Variants in RESF1 observed in about 807,000 individuals in gnomAD.
RESF1 encodes gonad expressed transcript.
Under a neutral mutation model 134.7 loss-of-function variants are expected in RESF1, and 65 were observed. That is an observed-to-expected ratio of 0.48 (90% CI 0.40 to 0.59). The LOEUF (loss-of-function observed/expected upper bound fraction) is 0.59. Ranked by LOEUF, RESF1 falls within the 20% of genes least tolerant of loss-of-function variation. The pLI is 0.00. For synonymous variants in RESF1, 762 were observed against 702.2 expected, an observed-to-expected ratio of 1.09 and a Z score of -1.35; for missense variants, 2,274 against 2,002.7, an observed-to-expected ratio of 1.14 and a Z score of -2.59.
chr12:31,969,953 A>G (rs893492483), intron 2 of RESF1, among the ~76,000 whole-genome samples: 11 of 152,204 alleles, frequency 7.2e-5, no homozygotes, highest in Admixed American at 4.6e-4. Flanking sequence ...TGTGTGTTTA[A>G]CATGGATAGT....
chr12:31,959,921 T>C (rs1032958296), intron 1 of RESF1: 2 of 152,102 alleles, frequency 1.3e-5, no homozygotes, highest in Non-Finnish European at 2.9e-5. Context: ...GAGCTGCTTA[T>C]GTTTTTAAGG....
rs16919127 is a variant in RESF1, at chr12:31,983,984, C to A, written c.3029C>A (p.Thr1010Lys). 13,507 of 1,613,628 alleles carry A rather than the reference C, an allele frequency of 8.4e-3. 1,060 individuals are homozygous for A. In the African/African-American group the frequency reaches 0.16, roughly 19 times the overall value. The change falls in exon 4 of 6, where the codon ACG becomes AAG. Residue 1010 changes from threonine to lysine, a missense_variant. Transcript: ENST00000312561. Reference sequence around the variant, plus strand: ...ACTGAAAAAAGCACAGCTAACGATACGTGCTCGTCAGCTGCTATTCAGGAG... The same window carrying A: ...ACTGAAAAAAGCACAGCTAACGATAAGTGCTCGTCAGCTGCTATTCAGGAG... ...HATEKSTANDTCSSAAIQEDI... is the reference protein window; with the variant it reads ...HATEKSTANDKCSSAAIQEDI...
In RESF1 at chr12:31,982,220, T is replaced by C. The variant is rs1444204737; in HGVS notation, c.1265T>C (p.Met422Thr). Residue 422 changes from methionine (M) to threonine (T), a missense_variant, in exon 4 of 6, where the codon ATG becomes ACG. Physicochemically the swap from Met to Thr is moderately conservative, Grantham distance 81 (BLOSUM62 -1). Transcript: ENST00000312561. ...ATTAAAATCAATAAAGATCTTTTGA[T>C]GGCAGCAGGTTGTATTAAAATGACT... ...RKIKINKDLL[M>T]AAGCIKMTNT... The C allele has an allele frequency of 1.9e-6, 3 of 1,612,568 alleles. No individual in the cohort carries two copies. Among genetic ancestry groups the C allele is most frequent in the Non-Finnish European group, 2.5e-6 (3 of 1,179,692 alleles).
rs1459647082 is a variant in RESF1 at position 31,992,476 on chromosome 12, T to A, written c.5185T>A (p.Tyr1729Asn). 1 of 1,613,884 alleles carries A rather than the reference T, an allele frequency of 6.2e-7. No individual in the cohort carries two copies. Among genetic ancestry groups the A allele is most frequent in the Non-Finnish European group, 8.5e-7 (1 of 1,179,896 alleles). ...VKDSKEMFQT[Y>N]KQMYLEKRSR... ...AGATTCAAAAGAAATGTTTCAAACC[T>A]ACAAACAGATGTACCTGGAGAAGAG... The change falls in exon 6 of 6, where the codon TAC (tyrosine) becomes AAC (asparagine). Residue 1729 changes from tyrosine (Y) to asparagine (N), a missense_variant. Coordinates refer to ENST00000312561, the MANE Select transcript of RESF1 (RefSeq NM_018169.4).
intron 2 of RESF1, among the ~76,000 whole-genome samples, chr12:31,969,918 A>C (rs571683568): frequency 6.6e-6 from 1 of 152,128 alleles, no homozygotes; most frequent in Non-Finnish European, 1.5e-5. Flanking sequence ...ACTTCTTTCT[A>C]TTCATGTGTA....
intron 3 of RESF1, among the ~76,000 whole-genome samples, chr12:31,975,885 A>G (rs890242140): frequency 7.9e-5 from 12 of 152,200 alleles, no homozygotes; most frequent in African/African-American, 2.9e-4. Context: ...TACTGCACCT[A>G]ATGCTGCTGG....
intron 2 of RESF1, among the ~76,000 whole-genome samples, chr12:31,962,803 G>T (rs1939307634): frequency 6.6e-6 from 1 of 152,192 alleles, no homozygotes; most frequent in South Asian, 2.1e-4. Context: ...TACTTTTAAA[G>T]TTCATGGATC....
intron 3 of RESF1, among the ~76,000 whole-genome samples, chr12:31,970,741 T>C (rs953913526): frequency 6.6e-6 from 1 of 152,256 alleles, no homozygotes. Context: ...TCAGGTTTTA[T>C]TGATGCAAGT....
chr12:31,968,942 C>A (rs2120781659), intron 2 of RESF1, among the ~76,000 whole-genome samples: 1 of 152,210 alleles, frequency 6.6e-6, no homozygotes, highest in South Asian at 2.1e-4. Context: ...TGTCAACCCA[C>A]TTTTCTTTCC....
chr12:31,991,395 C>A (rs1940090209), intron 5 of RESF1, among the ~76,000 whole-genome samples: 1 of 152,172 alleles, frequency 6.6e-6, no homozygotes, highest in Non-Finnish European at 1.5e-5. Context: ...AAGACTGCAG[C>A]AGATCTAAAG....
At chr12:31,965,674 A>G (rs183964131) in intron 2 of RESF1, among the ~76,000 whole-genome samples, 1 of 152,226 alleles carries the variant, frequency 6.6e-6, no homozygotes, top group Non-Finnish European at 1.5e-5. Context: ...CACTCATAAT[A>G]GGAGCGATGA....
chr12:31,967,674 T>TG (rs1565838048), intron 2 of RESF1, among the ~76,000 whole-genome samples: 15 of 151,120 alleles, frequency 9.9e-5, no homozygotes, highest in African/African-American at 3.4e-4. Context: ...TTTGTTTTTT[T>TG]TGTGTGTGTG....
Position 31,984,051 on chromosome 12 carries a change from T to G in RESF1, c.3096T>G (p.Thr1032=). Residue 1032 remains threonine, a synonymous_variant, in exon 4 of 6, where the codon ACT becomes ACG. Transcript: ENST00000312561. ...AAATAGATGCATCCAGCAACTATAC[T>G]CCCCAAGATCCTGCAAGAAATGAAA... is the stretch of plus-strand genomic sequence containing the variant. ...PQEIDASSNY[T]PQDPARNEIH... is the part of the protein sequence containing the mutation. 1 of 1,614,026 alleles carries G rather than the reference T, an allele frequency of 6.2e-7. No homozygotes were observed. Among genetic ancestry groups the G allele is most frequent in the Non-Finnish European group, 8.5e-7 (1 of 1,179,984 alleles).
Position 31,984,982 on chromosome 12 carries a change from A to C in RESF1, c.4027A>C (p.Asn1343His), listed in dbSNP as rs1565487535. The change falls in exon 4 of 6, where the codon AAT becomes CAT. Residue 1343 changes from asparagine to histidine, a missense_variant. Asn to His is a moderately conservative substitution (Grantham distance 68). Transcript: ENST00000312561. ...AAAAACAAAAACAGCTTTTTTGCCA[A>C]ATAAAGATGTGTATAAGAAGCATAG... Reference protein sequence around the residue: ...PLKTKTAFLPNKDVYKKHSSL... With the variant: ...PLKTKTAFLPHKDVYKKHSSL... 1 of 1,612,766 alleles carries C rather than the reference A, an allele frequency of 6.2e-7. No homozygotes were observed. Among genetic ancestry groups the C allele is most frequent in the Non-Finnish European group, 8.5e-7 (1 of 1,179,728 alleles).
chr12:31,969,961 A>G (rs530009238), intron 2 of RESF1, among the ~76,000 whole-genome samples: 1 of 152,330 alleles, frequency 6.6e-6, no homozygotes, highest in African/African-American at 2.4e-5. Flanking sequence ...TAACATGGAT[A>G]GTAATATGGT....
chr12:31,966,529 C>G (rs749033055), intron 2 of RESF1, among the ~76,000 whole-genome samples: 1 of 152,238 alleles, frequency 6.6e-6, no homozygotes, highest in Non-Finnish European at 1.5e-5. Flanking sequence ...GTCTGAACTT[C>G]CTGCTGGCCA....
chr12:31,983,331 TAAAG>T lies in RESF1; in HGVS notation c.2379_2382del (p.Glu794AlafsTer20). ...TACCTGAAACAGTGTATCCCGTTAT[TAAAG>T]AAGGCAGTGTTTGTAGTTTACAAAA... On this transcript the variant is annotated frameshift_variant, in exon 4 of 6. Transcript: ENST00000312561. LOFTEE classifies it high-confidence loss of function. The T allele has an allele frequency of 6.2e-7, 1 of 1,614,104 alleles. No homozygotes were observed.
At chr12:31,990,285 A>T (rs1015804905) in intron 5 of RESF1, among the ~76,000 whole-genome samples, 3 of 152,132 alleles carry the variant, frequency 2.0e-5, no homozygotes, top group Non-Finnish European at 4.4e-5. Flanking sequence ...TGAAAGAAAA[A>T]CACAAACCAG....
Position 31,963,488 on chromosome 12 carries a change from T to G in RESF1, c.-247+2617T>G, listed in dbSNP as rs527278463. Among the ~76,000 whole-genome samples, 5 of 152,294 alleles carry G rather than the reference T, an allele frequency of 3.3e-5. No individual in the cohort carries two copies. In the East Asian group the frequency reaches 9.6e-4, roughly 29 times the overall value. On this transcript the variant is annotated intron_variant, in intron 2 of 5. Coordinates refer to ENST00000312561, the MANE Select transcript of RESF1 (RefSeq NM_018169.4). ...CTTTGGTTTTCAGGCAGACCATCCC[T>G]CCACTGGGCAGCCCTGACATCTCCA...
Sources: allele counts gnomAD v4.1 joint callset (sites outside exome capture counted in the v4.1 genomes callset), GRCh38; gene constraint gnomAD v4.1.1; transcripts MANE v1.5; gene names NCBI Gene and HGNC (gene_info 2026-07-23, HGNC 2026-07-21).